The following MORN1 variants were observed in gnomAD, a reference collection of about 807,000 sequenced individuals.
MORN1 encodes the protein MORN repeat-containing protein 1.
In MORN1, 67 loss-of-function variants were observed where a neutral mutation model predicts 61.9. That is an observed-to-expected ratio of 1.08 (90% CI 0.89 to 1.33). The LOEUF is 1.33. Ranked by LOEUF, MORN1 falls within the 40% of genes most tolerant of loss-of-function variation. The pLI is 0.00. For synonymous variants in MORN1, 301 were observed against 292.0 expected (o/e 1.03, Z -0.31); for missense variants, 752 against 691.2 (o/e 1.09, Z -0.99).
rs764051755 is a variant in MORN1, at chr1:2,372,620, G to A, written c.635-29C>T. On this transcript the variant is annotated intron_variant, in intron 7 of 13. Transcript: ENST00000378531. The surrounding 1 kb of genome is among the most constrained non-coding windows in gnomAD (Gnocchi z 5.4). ...GGAGAGGACAGAGTGTGGCTTTAGCGGTGACTGGCATGGTCCCCCACCCAC... is the reference window on the plus strand; with the variant it reads ...GGAGAGGACAGAGTGTGGCTTTAGCAGTGACTGGCATGGTCCCCCACCCAC... 5.1e-6 allele frequency: 8 copies of A among 1,575,672 alleles called. No individual in the cohort carries two copies. Among genetic ancestry groups the A allele is most frequent in the African/African-American group, 4.1e-5 (3 of 73,968 alleles).
At chr1:2,371,838 G>T in intron 8 of MORN1, 1 of 177,508 alleles carries the variant, frequency 5.6e-6, no homozygotes, top group Non-Finnish European at 1.2e-5. Flanking sequence ...AACGCGGGAG[G>T]CGGAGGTTGC....
At chr1:2,375,898 A>C (rs1327557348) in intron 6 of MORN1, 4 of 152,408 alleles carry the variant, frequency 2.6e-5, no homozygotes, top group Non-Finnish European at 1.5e-5. Flanking sequence ...CCATCGGCCT[A>C]GACAGTTGCC....
chr1:2,339,262 G>C (rs1311283814), intron 10 of MORN1, among the ~76,000 whole-genome samples: 1 of 152,202 alleles, frequency 6.6e-6, no homozygotes, highest in Non-Finnish European at 1.5e-5. Flanking sequence ...CTTTCTTCTG[G>C]ATGTCACCTC....
intron 6 of MORN1, among the ~76,000 whole-genome samples, chr1:2,380,490 A>G (rs1642347476): frequency 6.6e-6 from 1 of 152,192 alleles, no homozygotes. Flanking sequence ...AAAAGTAGTT[A>G]AGATGCTAAG....
intron 10 of MORN1, among the ~76,000 whole-genome samples, chr1:2,347,630 C>T (rs1335658425): frequency 2.6e-5 from 4 of 152,240 alleles, no homozygotes; most frequent in East Asian, 1.9e-4. Context: ...GCAGGGGGGA[C>T]GGGGCCACGC....
At chr1:2,356,089 CAG>C (rs1175213680) in intron 10 of MORN1, among the ~76,000 whole-genome samples, 1 of 152,146 alleles carries the variant, frequency 6.6e-6, no homozygotes, top group Non-Finnish European at 1.5e-5. Context: ...TGTGAGGACT[CAG>C]GGGCGGCAGG....
At chr1:2,385,619 A>G in intron 5 of MORN1, 188 bp downstream of exon 5, 1 of 549,626 alleles carries the variant, frequency 1.8e-6, no homozygotes, top group Non-Finnish European at 3.3e-6. Context: ...AAAATTACAG[A>G]ATAACACCGA....
rs1488493650 is a variant in MORN1, at chr1:2,352,042, G to A, written c.1036+5390C>T. On this transcript the variant is annotated intron_variant, in intron 10 of 13. Coordinates refer to ENST00000378531, the MANE Select transcript of MORN1 (RefSeq NM_024848.3). ...AGAGGTCCACCTCCCCTAGGAATGA[G>A]TCCACCAAGACCCTAGCATACTGTT... is the stretch of plus-strand genomic sequence containing the variant. 4 of 557,086 alleles carry A rather than the reference G, an allele frequency of 7.2e-6. No homozygotes were observed. In the Admixed American group the frequency reaches 9.2e-5, roughly 13 times the overall value. 34.5% of individuals were successfully genotyped at this position (557,086 alleles called of 1,614,324 possible).
Position 2,384,986 on chromosome 1 carries a change from T to G in MORN1, c.529A>C (p.Thr177Pro), listed in dbSNP as rs563820879. 1.9e-6 allele frequency: 3 copies of G among 1,580,322 alleles called. No homozygotes were observed. In the African/African-American group the frequency reaches 4.0e-5, roughly 21 times the overall value. Residue 177 changes from threonine (T) to proline (P), a missense_variant, in exon 6 of 14, where the codon ACC (threonine) becomes CCC (proline). Coordinates refer to ENST00000378531, the MANE Select transcript of MORN1 (RefSeq NM_024848.3). ...HGVLRCADGSTYKGQWHSDVF... is the reference protein window; with the variant it reads ...HGVLRCADGSPYKGQWHSDVF... ...CGCGCGCCCCCGGGTACCTTGTAGG[T>G]GGAGCCGTCGGCGCAGCGCAGCACC...
intron 8 of MORN1, among the ~76,000 whole-genome samples, chr1:2,359,308 C>T (rs1641843821): frequency 6.6e-6 from 1 of 152,226 alleles, no homozygotes; most frequent in Non-Finnish European, 1.5e-5. Context: ...CTGGTGCCCA[C>T]CAAGTGTCTG....
rs78272318 is a variant in MORN1 at position 2,332,752 on chromosome 1, T to A, written c.1250+3717A>T. 1,568 of 456,418 alleles carry A rather than the reference T, an allele frequency of 3.4e-3. 18 individuals are homozygous for A. The highest frequency in any genetic ancestry group is 0.027 in the African/African-American group (1,373 of 50,190). 28.3% of individuals were successfully genotyped at this position (456,418 alleles called of 1,614,324 possible). On this transcript the variant is annotated intron_variant, in intron 12 of 13. Transcript: ENST00000378531. ...AACCCTTTGTTAGCTCCTGTTGGGA[T>A]CCTGGGAGGGGTGAAAACCTCCATG...
At chr1:2,335,326 C>T (rs1419887555) in intron 12 of MORN1, among the ~76,000 whole-genome samples, 2 of 152,196 alleles carry the variant, frequency 1.3e-5, no homozygotes, top group South Asian at 2.1e-4. Context: ...CCACCCCCGG[C>T]GGAAGCAGGA....
At chr1:2,340,295 C>T (rs540177754) in intron 10 of MORN1, among the ~76,000 whole-genome samples, 1 of 152,190 alleles carries the variant, frequency 6.6e-6, no homozygotes, top group African/African-American at 2.4e-5. Flanking sequence ...GGGCCACACA[C>T]CCAGCCCTGG....
intron 6 of MORN1, among the ~76,000 whole-genome samples, chr1:2,384,584 C>T (rs1354730690): frequency 6.6e-6 from 1 of 152,218 alleles, no homozygotes; most frequent in Non-Finnish European, 1.5e-5. Context: ...CCCAGATCGC[C>T]GAGGCGCAGA....
At position 2,358,655 on chromosome 1, in the gene MORN1, T is replaced by G. The variant is rs1184350679; in HGVS notation, c.806A>C (p.Tyr269Ser). 1 of 1,613,944 alleles carries G rather than the reference T, an allele frequency of 6.2e-7. No homozygotes were observed. The highest frequency in any genetic ancestry group is 1.1e-5 in the South Asian group (1 of 91,060). ...AGVRYVQLSA[Y>S]SEVNFFKVDR... is the part of the protein sequence containing the mutation. ...CACTTTGAAAAAGTTGACCTCAGAG[T>G]AGGCTGACAGCTGCACGTATCTGAC... is the stretch of plus-strand genomic sequence containing the variant. Residue 269 changes from tyrosine to serine, a missense_variant, in exon 9 of 14, where the codon TAC becomes TCC. Transcript: ENST00000378531.
chr1:2,335,700 G>A (rs368001430), intron 12 of MORN1, among the ~76,000 whole-genome samples: 10 of 152,298 alleles, frequency 6.6e-5, no homozygotes, highest in Admixed American at 2.0e-4. Flanking sequence ...CCTGGCAGGC[G>A]GGTGGGAGCG....
rs771928951 is a variant in MORN1, at chr1:2,337,708, C to T, written c.1037-858G>A. Among the ~76,000 whole-genome samples the T allele has an allele frequency of 3.4e-4, 51 of 152,182 alleles. No homozygotes were observed. Among genetic ancestry groups the T allele is most frequent in the Admixed American group, 9.8e-4 (15 of 15,280 alleles). The stretch of plus-strand genomic sequence containing the variant: ...CGGAGCTGTCCTGACACCGCTGCCC[C>T]GAGGGCCCCCCACTTGCACACACCA... On this transcript the variant is annotated intron_variant, in intron 10 of 13. Transcript: ENST00000378531. The surrounding 1 kb of genome is among the most constrained non-coding windows in gnomAD (Gnocchi z 5.7).
chr1:2,387,322 C>G, intron 4 of MORN1, 97 bp downstream of exon 4: 1 of 873,992 alleles, frequency 1.1e-6, no homozygotes, highest in South Asian at 1.3e-5. Flanking sequence ...TGAAGTCAGG[C>G]AGGCCCTCTC....
chr1:2,352,064 T>C (rs575359368), intron 10 of MORN1: 36 of 538,744 alleles, frequency 6.7e-5, no homozygotes, highest in African/African-American at 6.6e-4. Flanking sequence ...CCTAGCATAC[T>C]GTTGATCCAT....
Sources: allele counts gnomAD v4.1 joint callset (sites outside exome capture counted in the v4.1 genomes callset), GRCh38; gene constraint gnomAD v4.1.1; non-coding constraint Gnocchi (gnomAD v3.1); transcripts MANE v1.5; gene names NCBI Gene and HGNC (gene_info 2026-07-23, HGNC 2026-07-21).